B4GALT1: variants seen among roughly 807,000 people sequenced by gnomAD.
B4GALT1 encodes the protein beta-1,4-galactosyltransferase 1.
A neutral mutation model predicts 34.9 loss-of-function variants in B4GALT1; 16 were observed. The ratio of observed to expected loss-of-function variants is 0.46; its 90% CI spans 0.31 to 0.70. B4GALT1 has a LOEUF of 0.70. Among genes scored for constraint, B4GALT1 ranks in the 30% least tolerant of loss-of-function variants. The pLI, the probability that B4GALT1 is intolerant of heterozygous loss-of-function variation, is 0.05. For missense variants in B4GALT1, 445 were observed against 530.5 expected, an observed-to-expected ratio of 0.84 and a Z score of 1.58; for synonymous variants, 221 against 218.1, an observed-to-expected ratio of 1.01 and a Z score of -0.12.
intron 2 of B4GALT1, among the ~76,000 whole-genome samples, chr9:33,128,962 A>G (rs1840152139): frequency 6.6e-6 from 1 of 152,196 alleles, no homozygotes; most frequent in African/African-American, 2.4e-5. Flanking sequence ...TCCATCCTCA[A>G]CCAGCCTGGA....
chr9:33,119,153 C>A (rs1176485906), intron 3 of B4GALT1, among the ~76,000 whole-genome samples: 1 of 152,200 alleles, frequency 6.6e-6, no homozygotes, highest in Non-Finnish European at 1.5e-5. Flanking sequence ...CGAGCCACTG[C>A]ACCTGGCCAC....
chr9:33,157,429 T>C (rs1344620059), intron 1 of B4GALT1, among the ~76,000 whole-genome samples: 1 of 152,192 alleles, frequency 6.6e-6, no homozygotes, highest in East Asian at 1.9e-4. Context: ...TCGACGATAG[T>C]GAAACCTGGA....
intron 1 of B4GALT1, among the ~76,000 whole-genome samples, chr9:33,139,050 G>A (rs1280609645): frequency 6.6e-6 from 1 of 152,126 alleles, no homozygotes; most frequent in Non-Finnish European, 1.5e-5. Context: ...GAAGCCGATC[G>A]AGCACCAAGC....
the B4GALT1 span, among the ~76,000 whole-genome samples, chr9:33,175,747 G>A: frequency 1.3e-5 from 2 of 152,130 alleles, no homozygotes; most frequent in Non-Finnish European, 2.9e-5. Context: ...AGGAGCAATA[G>A]GCCATACCAT....
intron 1 of B4GALT1, among the ~76,000 whole-genome samples, chr9:33,150,156 C>CATACACACACACACATATATATACACAT (rs1480225647): frequency 2.6e-5 from 4 of 150,976 alleles, no homozygotes; most frequent in African/African-American, 7.3e-5. Context: ...TATATACACA[C>CATACACACACACACATATATATACACAT]ACACATATAT....
At chr9:33,132,061 A>G (rs1296745157) in intron 2 of B4GALT1, among the ~76,000 whole-genome samples, 1 of 152,124 alleles carries the variant, frequency 6.6e-6, no homozygotes, top group Non-Finnish European at 1.5e-5. Flanking sequence ...AGATTCTCCT[A>G]AGGTGGAAAG....
intron 3 of B4GALT1, among the ~76,000 whole-genome samples, chr9:33,119,045 A>G (rs1162359850): frequency 6.6e-6 from 1 of 152,114 alleles, no homozygotes; most frequent in Non-Finnish European, 1.5e-5. Flanking sequence ...TATTTTTAGT[A>G]GAGACAGGGT....
At chr9:33,129,847 G>A (rs573704721) in intron 2 of B4GALT1, among the ~76,000 whole-genome samples, 2 of 152,150 alleles carry the variant, frequency 1.3e-5, no homozygotes, top group Non-Finnish European at 1.5e-5. Context: ...ACACAGAGGG[G>A]AGAACAGAGG....
At chr9:33,160,832 G>A (rs1587751567) in intron 1 of B4GALT1, among the ~76,000 whole-genome samples, 1 of 152,228 alleles carries the variant, frequency 6.6e-6, no homozygotes. Flanking sequence ...GAAATATGCC[G>A]GTATGTTTCT....
chr9:33,116,457 C>T (rs1169123399), intron 3 of B4GALT1, among the ~76,000 whole-genome samples: 16 of 149,616 alleles, frequency 1.1e-4, no homozygotes, highest in African/African-American at 4.9e-5. Flanking sequence ...CTCTTAACCT[C>T]GTGATCCACC....
chr9:33,120,387 T>C (rs775451183), intron 3 of B4GALT1, 32 bp downstream of exon 3: 13 of 1,610,304 alleles, frequency 8.1e-6, no homozygotes, highest in Non-Finnish European at 1.1e-5. Flanking sequence ...GAGAGACATG[T>C]TTACCACAGA....
At chr9:33,109,827 G>A (rs1355640726), downstream of B4GALT1, among the ~76,000 whole-genome samples, 2 of 151,938 alleles carry the variant, frequency 1.3e-5, no homozygotes, top group Non-Finnish European at 2.9e-5. Flanking sequence ...TGTTGGTGGG[G>A]AGAAATCCCT....
rs200943121 is a variant in B4GALT1 at position 33,113,890 on chromosome 9, A to G, written c.960-12T>C. 5,452 of 1,613,070 alleles carry G rather than the reference A, an allele frequency of 3.4e-3. 20 individuals carry two copies. Among genetic ancestry groups the G allele is most frequent in the South Asian group, 3.4e-3 (314 of 91,052 alleles). On this transcript the variant is annotated splice_polypyrimidine_tract_variant and intron_variant, in intron 4 of 5. Coordinates refer to ENST00000379731, the MANE Select transcript of B4GALT1 (RefSeq NM_001497.4). ...CTCTAAAAACTAATCTGCAAAGAGT[A>G]AAGGGAAAGTCATTATCACAGAGCT...
chr9:33,135,311 G>A lies in B4GALT1; in HGVS notation c.526C>T (p.His176Tyr), dbSNP rs1411979572. Residue 176 changes from histidine (H) to tyrosine (Y), a missense_variant, in exon 2 of 6, where the codon CAC becomes TAC. Physicochemically the swap from His to Tyr is moderately conservative, Grantham distance 83. Around this residue, in one of 3 missense-constraint regions of B4GALT1, gnomAD observed 349 missense variants for 395.5 expected, o/e 0.88. Coordinates refer to ENST00000379731, the MANE Select transcript of B4GALT1 (RefSeq NM_001497.4). ...RYAPRDCVSPHKVAIIIPFRN... is the reference protein window; with the variant it reads ...RYAPRDCVSPYKVAIIIPFRN... ...AATGGAATGATGATGGCCACCTTGT[G>A]AGGAGAGACGCAGTCCCTGGGGGCA... 4.3e-6 allele frequency: 7 copies of A among 1,614,092 alleles called. No individual in the cohort carries two copies. In the Admixed American group the frequency reaches 5.0e-5, roughly 12 times the overall value.
upstream of B4GALT1, among the ~76,000 whole-genome samples, chr9:33,168,562 A>T (rs1316898419): frequency 6.6e-6 from 1 of 152,212 alleles, no homozygotes; most frequent in Non-Finnish European, 1.5e-5. Flanking sequence ...AAGGCTTATG[A>T]GTTGACACTT....
At chr9:33,115,251 T>C (rs1191315908) in intron 4 of B4GALT1, among the ~76,000 whole-genome samples, 1 of 152,244 alleles carries the variant, frequency 6.6e-6, no homozygotes, top group Non-Finnish European at 1.5e-5. Context: ...TAACTGGTAC[T>C]GCAATTTAGA....
downstream of B4GALT1, among the ~76,000 whole-genome samples, chr9:33,107,144 G>A (rs1384156429): frequency 6.6e-6 from 1 of 152,120 alleles, no homozygotes; most frequent in Non-Finnish European, 1.5e-5. Flanking sequence ...CACAGCCTGG[G>A]TACAGGTCCT....
chr9:33,143,326 C>G (rs921376123), intron 1 of B4GALT1, among the ~76,000 whole-genome samples: 1 of 152,144 alleles, frequency 6.6e-6, no homozygotes, highest in Non-Finnish European at 1.5e-5. Flanking sequence ...CTTGGTAGTT[C>G]TTCTAAAACA....
At chr9:33,142,256 C>T (rs1840362487) in intron 1 of B4GALT1, among the ~76,000 whole-genome samples, 1 of 152,200 alleles carries the variant, frequency 6.6e-6, no homozygotes, top group Non-Finnish European at 1.5e-5. Context: ...GCTGGGATTA[C>T]AGGCACGAGC....
Sources: gnomAD v4.1 joint callset for allele counts (sites outside exome capture counted in the v4.1 genomes callset) on GRCh38, gnomAD v4.1.1 for gene constraint, gnomAD v4.1.1 regional missense constraint, MANE v1.5 for transcripts, NCBI Gene and HGNC (gene_info 2026-07-23, HGNC 2026-07-21) for gene names.